The following TEX13C variants were observed in gnomAD, a reference collection of about 807,000 sequenced individuals.
The protein encoded by TEX13C is TEX13 family member C, also known as testis-expressed protein 13C.
For missense variants in TEX13C, 480 were observed against 298.7 expected (o/e 1.61, Z -4.47); for synonymous variants, 219 against 116.6 (o/e 1.88, Z -5.65).
rs750989082 is a variant in TEX13C at position 125,322,647 on chromosome X, T to A, written c.2528T>A (p.Met843Lys). ...CACAGCATGAAGAAAGATCTAGTGA[T>A]GCCCAAGGAGATGGTCCCCCTAGGG... Residue 843 changes from methionine (M) to lysine (K), a missense_variant, in exon 1 of 1, where the codon ATG becomes AAG. By Grantham distance (95) the Met-to-Lys change is moderately conservative. Transcript: ENST00000632600. 34 of 511,948 alleles carry A rather than the reference T, an allele frequency of 6.6e-5. No individual in the cohort carries two copies. The African/African-American group carries it at 6.8e-4, about 10-fold the overall frequency. The allele number at this position is 511,948 out of a possible 1,213,427, so 42.2% of individuals were successfully genotyped here. A position where few individuals can be genotyped will look rare whatever the true frequency, so the allele number is the denominator to read the frequency against.
At chrX:125,322,312 A>G in exon 1 of TEX13C, 1 of 453,629 alleles carries the variant, frequency 2.2e-6, no homozygotes, top group South Asian at 2.6e-5. Flanking sequence ...TTAGCAGGAG[A>G]CACAGCCTGA....
At chrX:125,320,946 C>A in exon 1 of TEX13C, 1 of 515,623 alleles carries the variant, frequency 1.9e-6, no homozygotes, top group Non-Finnish European at 3.5e-6. Context: ...GGTCTTTGGG[C>A]CACAGTGGGA....
At chrX:125,323,152 C>A (rs761589038) in exon 1 of TEX13C, 1 of 438,552 alleles carries the variant, frequency 2.3e-6, no homozygotes, top group Non-Finnish European at 4.0e-6. Context: ...CAAAGAGAAA[C>A]CAATTTCCCA....
chrX:125,324,732 C>T (rs1437075449), exon 1 of TEX13C: 5 of 112,411 alleles, frequency 4.4e-5, no homozygotes, highest in Admixed American at 1.9e-4. Context: ...CCTGGTTGCC[C>T]ACCAGCCTGC....
At chrX:125,321,189 G>A (rs2018832953) in exon 1 of TEX13C, 1 of 513,708 alleles carries the variant, frequency 1.9e-6, no homozygotes, top group South Asian at 2.5e-5. Context: ...AGGAGCCACA[G>A]CCTGGAGAAA....
upstream of TEX13C, among the ~76,000 whole-genome samples, chrX:125,319,883 C>G (rs918537931): frequency 4.5e-5 from 5 of 112,180 alleles, no homozygotes; most frequent in African/African-American, 1.6e-4. Flanking sequence ...TGTGATGTGT[C>G]GCGGAGTTGC....
exon 1 of TEX13C, chrX:125,322,284 G>A (rs764115162): frequency 5.9e-5 from 25 of 423,274 alleles, no homozygotes; most frequent in African/African-American, 5.4e-4. Flanking sequence ...GTGCCCCAGG[G>A]CACAGCTCCC....
exon 1 of TEX13C, chrX:125,320,225 A>C: frequency 1.9e-6 from 1 of 515,609 alleles, no homozygotes; most frequent in Non-Finnish European, 3.5e-6. Flanking sequence ...AGCCTTTTAC[A>C]CGGCCTTCCG....
chrX:125,321,649 T>C (rs1373754519), exon 1 of TEX13C: 1 of 488,828 alleles, frequency 2.0e-6, no homozygotes, highest in African/African-American at 2.8e-5. Context: ...AAGATCTAGT[T>C]GTGCCCAAGG....
exon 1 of TEX13C, chrX:125,322,172 A>G: frequency 2.2e-6 from 1 of 462,785 alleles, no homozygotes; most frequent in Non-Finnish European, 3.7e-6. Context: ...AGCTCCCCTG[A>G]TGTTTAGCAG....
Sources: gnomAD v4.1 joint callset for allele counts (sites outside exome capture counted in the v4.1 genomes callset) on GRCh38, gnomAD v4.1.1 for gene constraint, MANE v1.5 for transcripts, NCBI Gene and HGNC (gene_info 2026-07-23, HGNC 2026-07-21) for gene names.